DLG2: variants seen among roughly 807,000 people sequenced by gnomAD.
The protein encoded by DLG2 is disks large homolog 2.
In DLG2, 45 loss-of-function variants were observed where a neutral mutation model predicts 132.5. The observed-to-expected ratio is 0.34, with a 90% CI of 0.27 to 0.44. The LOEUF (loss-of-function observed/expected upper bound fraction) is 0.44. Ranked by LOEUF, DLG2 falls within the 20% of genes least tolerant of loss-of-function variation. DLG2 has a pLI of 1.00. For missense variants in DLG2, 1,045 were observed against 1,196.9 expected (o/e 0.87, Z 1.87); for synonymous variants, 424 against 419.6 (o/e 1.01, Z -0.13).
chr11:85,297,411 T>C (rs78540441), intron 3 of DLG2, among the ~76,000 whole-genome samples: 2 of 152,170 alleles, frequency 1.3e-5, no homozygotes, highest in East Asian at 1.9e-4. Context: ...CCTAATGTTG[T>C]ATGATAATCT....
At chr11:83,649,980 T>G (rs1481021636) in intron 18 of DLG2, among the ~76,000 whole-genome samples, 2 of 152,160 alleles carry the variant, frequency 1.3e-5, no homozygotes, top group East Asian at 3.9e-4. Flanking sequence ...ATATTAGGGG[T>G]TTGCTAGAGA....
chr11:84,795,360 G>A (rs1039539573), intron 6 of DLG2, among the ~76,000 whole-genome samples: 3 of 152,134 alleles, frequency 2.0e-5, no homozygotes, highest in Non-Finnish European at 4.4e-5. Context: ...GCTACCCACT[G>A]TGGGTCCAAT....
intron 15 of DLG2, among the ~76,000 whole-genome samples, chr11:83,904,015 A>G (rs925968205): frequency 6.6e-6 from 1 of 152,216 alleles, no homozygotes; most frequent in African/African-American, 2.4e-5. Context: ...AATGATTACA[A>G]TATGCCCACA....
intron 6 of DLG2, among the ~76,000 whole-genome samples, chr11:84,550,288 T>G (rs78430107): frequency 0.06 from 9,061 of 152,186 alleles, 314 homozygotes; most frequent in South Asian, 0.086. Context: ...GGTGGTAAAA[T>G]GAGCTGCTAA....
chr11:84,411,598 G>A (rs1389036003), intron 7 of DLG2, among the ~76,000 whole-genome samples: 1 of 151,814 alleles, frequency 6.6e-6, no homozygotes, highest in African/African-American at 2.4e-5. Flanking sequence ...TTGGATTAAC[G>A]TAGGAGAAAT....
At chr11:85,480,539 C>A (rs2093263173) in intron 3 of DLG2, among the ~76,000 whole-genome samples, 1 of 152,050 alleles carries the variant, frequency 6.6e-6, no homozygotes. Context: ...TTAAAATATG[C>A]AAAATAAAAC....
chr11:85,144,365 T>A (rs940967337), intron 5 of DLG2, among the ~76,000 whole-genome samples: 9 of 137,444 alleles, frequency 6.5e-5, no homozygotes, highest in South Asian at 2.3e-4. Context: ...TTTTTTTTTT[T>A]ATCAGTTTAG....
chr11:85,466,695 C>A (rs1332623038), intron 3 of DLG2, among the ~76,000 whole-genome samples: 1 of 152,138 alleles, frequency 6.6e-6, no homozygotes, highest in Non-Finnish European at 1.5e-5. Context: ...CAGTAGCATG[C>A]TGTTTTGGTT....
At chr11:83,561,139 G>A (rs2096603196) in intron 19 of DLG2, among the ~76,000 whole-genome samples, 1 of 152,182 alleles carries the variant, frequency 6.6e-6, no homozygotes, top group Non-Finnish European at 1.5e-5. Flanking sequence ...AGCACCAAGA[G>A]CATTGTGCTA....
chr11:85,171,857 G>T (rs1248394730), intron 4 of DLG2, among the ~76,000 whole-genome samples: 1 of 152,232 alleles, frequency 6.6e-6, no homozygotes, highest in African/African-American at 2.4e-5. Context: ...ATCATGGCCA[G>T]ACTGCTGCTT....
chr11:84,626,229 A>G (rs182290522), intron 6 of DLG2, among the ~76,000 whole-genome samples: 7 of 152,210 alleles, frequency 4.6e-5, no homozygotes, highest in African/African-American at 1.7e-4. Context: ...CTAAATTTAC[A>G]TTAGGTGGAG....
At chr11:85,409,214 C>T (rs1330205922) in intron 3 of DLG2, among the ~76,000 whole-genome samples, 1 of 151,794 alleles carries the variant, frequency 6.6e-6, no homozygotes, top group African/African-American at 2.4e-5. Context: ...AAATAGGGTA[C>T]AGAGTAATTA....
At chr11:85,422,338 T>G (rs1230118410) in intron 3 of DLG2, among the ~76,000 whole-genome samples, 1 of 152,192 alleles carries the variant, frequency 6.6e-6, no homozygotes, top group Non-Finnish European at 1.5e-5. Context: ...TAGGTTTGGT[T>G]GTTTAACATA....
chr11:85,141,290 T>G (rs1200054264), intron 5 of DLG2, among the ~76,000 whole-genome samples: 9 of 151,722 alleles, frequency 5.9e-5, no homozygotes, highest in Non-Finnish European at 1.2e-4. Context: ...ACCCCACTGT[T>G]GTTTTGATTT....
At chr11:85,514,707 ATCTTTAAAAATGTC>A (rs1418680151) in intron 3 of DLG2, among the ~76,000 whole-genome samples, 72 of 151,956 alleles carry the variant, frequency 4.7e-4, no homozygotes, top group Middle Eastern at 3.4e-3. Flanking sequence ...AGATGTTTAA[ATCTTTAAAAATGTC>A]TCTTTAAAAA....
intron 7 of DLG2, among the ~76,000 whole-genome samples, chr11:84,441,782 G>T: frequency 6.6e-6 from 1 of 152,250 alleles, no homozygotes; most frequent in East Asian, 1.9e-4. Context: ...ACATATCTAT[G>T]AATAAATAAA....
At chr11:84,633,128 A>AT (rs2099634918) in intron 6 of DLG2, among the ~76,000 whole-genome samples, 1 of 152,194 alleles carries the variant, frequency 6.6e-6, no homozygotes, top group African/African-American at 2.4e-5. Flanking sequence ...AGTCAGGGCT[A>AT]TTTATAATCA....
At chr11:84,493,306 G>A (rs1469988480) in intron 7 of DLG2, among the ~76,000 whole-genome samples, 9 of 152,088 alleles carry the variant, frequency 5.9e-5, no homozygotes, top group Non-Finnish European at 1.2e-4. Context: ...ACCAAGCAGT[G>A]AAATTAGTTT....
intron 6 of DLG2, among the ~76,000 whole-genome samples, chr11:84,835,989 G>A (rs2079710933): frequency 1.3e-5 from 2 of 151,696 alleles, no homozygotes; most frequent in South Asian, 4.1e-4. Context: ...CAGTATGGCT[G>A]CACAGCCTGA....
Sources: gnomAD v4.1 joint callset for allele counts (sites outside exome capture counted in the v4.1 genomes callset) on GRCh38, gnomAD v4.1.1 for gene constraint, MANE v1.5 for transcripts, NCBI Gene and HGNC (gene_info 2026-07-23, HGNC 2026-07-21) for gene names.